Variants in MON2 observed in about 807,000 individuals in gnomAD.
MON2 encodes the protein MON2 regulator of endosome-to-Golgi trafficking.
Under a neutral mutation model 208.6 loss-of-function variants are expected in MON2, and 84 were observed. That is an observed-to-expected ratio of 0.40 (90% CI 0.34 to 0.48). The LOEUF is 0.48. MON2 is among the 20% of genes least tolerant of loss of function. The pLI is 0.59. For missense variants in MON2, 1,611 were observed against 2,015.4 expected (o/e 0.80, Z 3.84); for synonymous variants, 660 against 694.0 (o/e 0.95, Z 0.77).
intron 34 of MON2, among the ~76,000 whole-genome samples, chr12:62,589,697 C>T (rs1321615401): frequency 6.7e-6 from 1 of 148,200 alleles, no homozygotes; most frequent in African/African-American, 2.5e-5. Flanking sequence ...ATTGCTTGAG[C>T]CTAGGAGTCT....
intron 8 of MON2, among the ~76,000 whole-genome samples, chr12:62,512,574 C>A (rs2071464105): frequency 6.6e-6 from 1 of 152,204 alleles, no homozygotes; most frequent in Admixed American, 6.5e-5. Flanking sequence ...TTGCAGGATA[C>A]AGCCTCCCTT....
At chr12:62,524,988 G>T in intron 9 of MON2, 96 bp from the exon 10 acceptor site, 2 of 1,036,696 alleles carry the variant, frequency 1.9e-6, no homozygotes, top group Non-Finnish European at 2.8e-6. Context: ...AGTATAGTTT[G>T]GTAACTCTTA....
At chr12:62,528,884 A>C (rs1463103507) in intron 11 of MON2, among the ~76,000 whole-genome samples, 1 of 152,178 alleles carries the variant, frequency 6.6e-6, no homozygotes, top group Non-Finnish European at 1.5e-5. Flanking sequence ...GTTTGGGGGT[A>C]CATGTGAAGG....
Position 62,474,515 on chromosome 12 carries a change from C to T in MON2, c.111+7197C>T, listed in dbSNP as rs1326642487. 7.9e-5 allele frequency among the ~76,000 whole-genome samples: 12 copies of T among 152,264 alleles called. No individual in the cohort carries two copies. In the East Asian group the frequency reaches 2.3e-3, roughly 29 times the overall value. ...TCTCGGCTCACCGCAACTTCTGCCTCCCGGGTTCGAGTGATTCTCTTGCCT... is the reference window on the plus strand; with the variant it reads ...TCTCGGCTCACCGCAACTTCTGCCTTCCGGGTTCGAGTGATTCTCTTGCCT... On this transcript the variant is annotated intron_variant, in intron 1 of 34. Transcript: ENST00000393630.
chr12:62,543,190 C>T lies in MON2; in HGVS notation c.2458C>T (p.Leu820=). The change falls in exon 20 of 35, where the codon CTA becomes TTA. Residue 820 remains leucine (L), a synonymous_variant. Coordinates refer to ENST00000393630, the MANE Select transcript of MON2 (RefSeq NM_015026.3). ...EILWRPLTGH[L]LEVCQHPNSR... is the part of the protein sequence containing the mutation. ...TCTGTGGAGACCTCTGACTGGCCAT[C>T]TACTTGAGGTAAATTCTCTTTCTTA... is the stretch of plus-strand genomic sequence containing the variant. 1 of 1,513,192 alleles carries T rather than the reference C, an allele frequency of 6.6e-7. No individual in the cohort carries two copies. Among genetic ancestry groups the T allele is most frequent in the South Asian group, 1.3e-5 (1 of 76,378 alleles). 93.7% of individuals were successfully genotyped at this position (1,513,192 alleles called of 1,614,324 possible).
chr12:62,551,490 A>T (rs2073743154), intron 23 of MON2, among the ~76,000 whole-genome samples: 1 of 152,216 alleles, frequency 6.6e-6, no homozygotes, highest in Admixed American at 6.5e-5. Flanking sequence ...AAGATCACGG[A>T]TCATAGATCA....
intron 7 of MON2, among the ~76,000 whole-genome samples, chr12:62,503,836 C>T (rs543382723): frequency 1.3e-5 from 2 of 152,212 alleles, no homozygotes; most frequent in East Asian, 1.9e-4. Flanking sequence ...TTTGCTCAAT[C>T]GTCAACTTAC....
chr12:62,527,221 TG>T (rs535807926), intron 11 of MON2, among the ~76,000 whole-genome samples: 53 of 152,094 alleles, frequency 3.5e-4, no homozygotes, highest in Non-Finnish European at 6.3e-4. Flanking sequence ...GTTCAGGAGT[TG>T]GAGTACAGCC....
At chr12:62,547,738 G>A (rs958200654) in intron 22 of MON2, among the ~76,000 whole-genome samples, 1 of 152,004 alleles carries the variant, frequency 6.6e-6, no homozygotes, top group Non-Finnish European at 1.5e-5. Context: ...TTTACTGTAC[G>A]TTTTCTATGT....
chr12:62,486,345 A>G (rs1156742029), intron 2 of MON2, among the ~76,000 whole-genome samples: 1 of 151,810 alleles, frequency 6.6e-6, no homozygotes, highest in Non-Finnish European at 1.5e-5. Flanking sequence ...AAGATGAGTA[A>G]GAAAAATTTT....
rs61753654 is a variant in MON2 at position 62,585,472 on chromosome 12, A to C, written c.4878A>C (p.Glu1626Asp). Reference protein sequence around the residue: ...QDVLHRYIEDERLSGKCPLPR... With the variant: ...QDVLHRYIEDDRLSGKCPLPR... ...TACTACATCGCTATATAGAGGATGAAAGATTAAGTGGTAAATGCCCTCTTC... is the reference window on the plus strand; with the variant it reads ...TACTACATCGCTATATAGAGGATGACAGATTAAGTGGTAAATGCCCTCTTC... Residue 1626 changes from glutamate to aspartate, a missense_variant, in exon 33 of 35, where the codon GAA (glutamate) becomes GAC (aspartate). Coordinates refer to ENST00000393630, the MANE Select transcript of MON2 (RefSeq NM_015026.3). 8,691 of 1,610,850 alleles carry C rather than the reference A, an allele frequency of 5.4e-3. 31 individuals carry two copies. Among genetic ancestry groups the C allele is most frequent in the Non-Finnish European group, 6.7e-3 (7,837 of 1,177,546 alleles).
intron 19 of MON2, among the ~76,000 whole-genome samples, chr12:62,541,607 C>A (rs1043241032): frequency 7.9e-5 from 12 of 152,060 alleles, no homozygotes; most frequent in African/African-American, 2.2e-4. Flanking sequence ...GCTTAAGTGA[C>A]CTGCCTGAGG....
chr12:62,524,485 G>GA (rs774704162), intron 8 of MON2, 30 bp from the exon 9 acceptor site: 1 of 1,549,100 alleles, frequency 6.5e-7, no homozygotes, highest in Non-Finnish European at 8.9e-7. Flanking sequence ...TTGATTCAAA[G>GA]AAATAGTATT....
intron 7 of MON2, among the ~76,000 whole-genome samples, chr12:62,503,457 T>C (rs1052828816): frequency 1.3e-5 from 2 of 152,360 alleles, no homozygotes; most frequent in Admixed American, 1.3e-4. Flanking sequence ...CTAACTGGTC[T>C]GCTTGCATAT....
chr12:62,532,910 C>G (rs1046994509), intron 12 of MON2, among the ~76,000 whole-genome samples: 1 of 151,972 alleles, frequency 6.6e-6, no homozygotes, highest in Non-Finnish European at 1.5e-5. Flanking sequence ...TGTATTTTTT[C>G]AAAATAAGGT....
chr12:62,570,729 T>C (rs1301356912), intron 29 of MON2, among the ~76,000 whole-genome samples: 3 of 128,314 alleles, frequency 2.3e-5, no homozygotes, highest in Admixed American at 1.5e-4. Context: ...TTTCTTTTTT[T>C]TTTTTTTTTT....
At chr12:62,492,394 T>A (rs2136040864) in intron 2 of MON2, among the ~76,000 whole-genome samples, 1 of 130,018 alleles carries the variant, frequency 7.7e-6, no homozygotes, top group South Asian at 2.4e-4. Context: ...AGACGGAGTC[T>A]CGCTCTGTCG....
intron 30 of MON2, among the ~76,000 whole-genome samples, chr12:62,575,637 T>G (rs58937985): frequency 6.6e-6 from 1 of 152,152 alleles, no homozygotes; most frequent in African/African-American, 2.4e-5. Flanking sequence ...TCTGTAATAT[T>G]CCCCAAACTT....
At chr12:62,488,681 A>G (rs982931879) in intron 2 of MON2, among the ~76,000 whole-genome samples, 4 of 152,172 alleles carry the variant, frequency 2.6e-5, no homozygotes, top group Non-Finnish European at 4.4e-5. Flanking sequence ...GCTGTAAATA[A>G]TACCATTTTC....
Sources: gnomAD v4.1 joint callset for allele counts (sites outside exome capture counted in the v4.1 genomes callset) on GRCh38, gnomAD v4.1.1 for gene constraint, MANE v1.5 for transcripts, NCBI Gene and HGNC (gene_info 2026-07-23, HGNC 2026-07-21) for gene names.